Variants in P3H2 observed in about 807,000 individuals in gnomAD.
The protein encoded by P3H2 is prolyl 3-hydroxylase 2, also known as leprecan-like 1.
P3H2 carries 80 observed loss-of-function variants against 87.0 expected under a neutral mutation model. The ratio of observed to expected loss-of-function variants is 0.92; its 90% confidence interval spans 0.77 to 1.11. The LOEUF is 1.11. P3H2 is among the 50% of genes least tolerant of loss of function. The pLI is 0.00. For synonymous variants in P3H2, 367 were observed against 359.3 expected (o/e 1.02, Z -0.24); for missense variants, 1,001 against 923.9 (o/e 1.08, Z -1.08).
intron 1 of P3H2, among the ~76,000 whole-genome samples, chr3:190,069,731 G>A (rs932056649): frequency 6.6e-6 from 1 of 152,120 alleles, no homozygotes; most frequent in African/African-American, 2.4e-5. Flanking sequence ...GAGAAGAAAG[G>A]GTTTCAAGAT....
intron 1 of P3H2, among the ~76,000 whole-genome samples, chr3:190,005,350 T>C (rs954224730): frequency 1.3e-5 from 2 of 152,232 alleles, no homozygotes; most frequent in African/African-American, 2.4e-5. Flanking sequence ...TGGGGGCATA[T>C]AGATCAGGGA....
intron 1 of P3H2, among the ~76,000 whole-genome samples, chr3:190,025,979 G>A (rs1477099548): frequency 6.6e-6 from 1 of 152,100 alleles, no homozygotes; most frequent in Admixed American, 6.5e-5. Flanking sequence ...GTACCTTTTA[G>A]AGTTGCTAAC....
intron 1 of P3H2, among the ~76,000 whole-genome samples, chr3:190,023,744 G>A (rs1345213116): frequency 6.6e-6 from 1 of 152,128 alleles, no homozygotes; most frequent in Non-Finnish European, 1.5e-5. Context: ...TAAAAGCATT[G>A]TGCAAGTCTA....
In P3H2 at chr3:190,022,661, C is replaced by T. The variant is rs1033635261; in HGVS notation, c.481-27219G>A. Among the ~76,000 whole-genome samples, 17 of 142,778 alleles carry T rather than the reference C, an allele frequency of 1.2e-4. 3 individuals carry two copies. Among genetic ancestry groups the T allele is most frequent in the African/African-American group, 4.0e-4 (16 of 39,966 alleles). The allele number at this position is 142,778 out of a possible 152,430, so 93.7% of individuals were successfully genotyped here. A position where few individuals can be genotyped will look rare whatever the true frequency, so the allele number is the denominator to read the frequency against. On this transcript the variant is annotated intron_variant, in intron 1 of 14. Transcript: ENST00000319332. ...TCAAAACCCCAAATGCCTTCAGAGGCGAGGCAGATAATATCAATAATGAAG... is the reference window on the plus strand; with the variant it reads ...TCAAAACCCCAAATGCCTTCAGAGGTGAGGCAGATAATATCAATAATGAAG...
chr3:190,105,337 G>A (rs1711788977), intron 1 of P3H2, among the ~76,000 whole-genome samples: 1 of 152,120 alleles, frequency 6.6e-6, no homozygotes, highest in Admixed American at 6.5e-5. Flanking sequence ...TAAAGATCAG[G>A]AACAATCGCC....
chr3:190,006,539 T>G (rs988008205), intron 1 of P3H2, among the ~76,000 whole-genome samples: 1 of 152,234 alleles, frequency 6.6e-6, no homozygotes, highest in African/African-American at 2.4e-5. Flanking sequence ...CCTAATCTTT[T>G]AGTAAATATA....
At chr3:190,042,711 T>C (rs1484830107) in intron 1 of P3H2, among the ~76,000 whole-genome samples, 1 of 152,226 alleles carries the variant, frequency 6.6e-6, no homozygotes, top group Non-Finnish European at 1.5e-5. Context: ...GTTCCTATTT[T>C]ACATTGGCAT....
chr3:189,981,318 C>T (rs565174837), intron 8 of P3H2, among the ~76,000 whole-genome samples: 1 of 152,164 alleles, frequency 6.6e-6, no homozygotes, highest in Non-Finnish European at 1.5e-5. Context: ...AGCCCTTAAC[C>T]TGTGGGATCT....
rs1321180230 is a variant in P3H2, at chr3:190,019,667, C to G, written c.481-24225G>C. ...TTCAGCAAGCCACTCCATTGCCCCC[C>G]TCCTGTCAAAAGCCTCATTTATAAT... On this transcript the variant is annotated intron_variant, in intron 1 of 14. Coordinates refer to ENST00000319332, the MANE Select transcript of P3H2 (RefSeq NM_018192.4). Among the ~76,000 whole-genome samples, 4 of 102,416 alleles carry G rather than the reference C, an allele frequency of 3.9e-5. 1 individual carries two copies. Among genetic ancestry groups the G allele is most frequent in the African/African-American group, 1.2e-4 (4 of 32,464 alleles). The allele number at this position is 102,416 out of a possible 152,430, so 67.2% of individuals were successfully genotyped here.
At chr3:190,001,363 A>C (rs2108928293) in intron 1 of P3H2, among the ~76,000 whole-genome samples, 1 of 152,346 alleles carries the variant, frequency 6.6e-6, no homozygotes, top group East Asian at 1.9e-4. Flanking sequence ...TTTTGTACAG[A>C]GTAAAACATC....
intron 1 of P3H2, among the ~76,000 whole-genome samples, chr3:190,103,240 G>A (rs1711700918): frequency 6.6e-6 from 1 of 152,150 alleles, no homozygotes; most frequent in Non-Finnish European, 1.5e-5. Flanking sequence ...TAGGAGAACT[G>A]ACAATTCAAA....
intron 14 of P3H2, among the ~76,000 whole-genome samples, chr3:189,960,994 G>A (rs571328212): frequency 1.8e-4 from 27 of 151,146 alleles, no homozygotes; most frequent in Non-Finnish European, 3.8e-4. Flanking sequence ...AGGTTGGAGT[G>A]CAGTGGTGCG....
intron 6 of P3H2, among the ~76,000 whole-genome samples, chr3:189,985,618 AAATT>A (rs1289551845): frequency 2.7e-5 from 4 of 149,484 alleles, no homozygotes; most frequent in African/African-American, 7.3e-5. Flanking sequence ...AATTATAAAT[AAATT>A]AATAATAAAT....
chr3:189,962,717 A>G (rs545992362), intron 14 of P3H2, among the ~76,000 whole-genome samples: 26 of 152,324 alleles, frequency 1.7e-4, no homozygotes, highest in Non-Finnish European at 3.1e-4. Flanking sequence ...AAAGGTCACA[A>G]TAGGTCTTTT....
intron 1 of P3H2, among the ~76,000 whole-genome samples, chr3:190,108,602 T>C (rs1411404033): frequency 2.6e-5 from 4 of 152,226 alleles, no homozygotes; most frequent in East Asian, 1.9e-4. Context: ...CATAATCACA[T>C]AGGAGTGCCT....
intron 13 of P3H2, 31 bp from the exon 14 acceptor site, chr3:189,964,129 ATTG>A: frequency 6.2e-7 from 1 of 1,604,036 alleles, no homozygotes; most frequent in Non-Finnish European, 8.5e-7. Context: ...TAGACTTTCA[ATTG>A]TTGTATCATA....
At chr3:190,078,196 A>G (rs1347270721) in intron 1 of P3H2, among the ~76,000 whole-genome samples, 1 of 152,220 alleles carries the variant, frequency 6.6e-6, no homozygotes, top group African/African-American at 2.4e-5. Flanking sequence ...CTGGACTGTA[A>G]GCTCCACTAA....
At chr3:190,006,889 G>A (rs979113510) in intron 1 of P3H2, among the ~76,000 whole-genome samples, 1 of 152,176 alleles carries the variant, frequency 6.6e-6, no homozygotes, top group Non-Finnish European at 1.5e-5. Context: ...AACAGGACTG[G>A]ATTATGGGGA....
intron 1 of P3H2, among the ~76,000 whole-genome samples, chr3:190,068,093 T>C (rs1177028850): frequency 6.6e-6 from 1 of 152,044 alleles, no homozygotes; most frequent in Non-Finnish European, 1.5e-5. Context: ...TCAAGAAAGG[T>C]TAAGATGAAT....
Sources: allele counts gnomAD v4.1 joint callset (sites outside exome capture counted in the v4.1 genomes callset), GRCh38; gene constraint gnomAD v4.1.1; transcripts MANE v1.5; gene names NCBI Gene and HGNC (gene_info 2026-07-23, HGNC 2026-07-21).